Variants in UPRT observed in about 807,000 individuals in gnomAD.
The protein encoded by UPRT is RP11-311P8.3.
Under a neutral mutation model 22.6 loss-of-function variants are expected in UPRT, and 5 were observed. The observed-to-expected ratio is 0.22, with a 90% CI of 0.12 to 0.47. The LOEUF (loss-of-function observed/expected upper bound fraction) is 0.47, where lower values mean the gene tolerates loss of function less well. UPRT is among the 20% of genes least tolerant of loss of function. The pLI, the probability that UPRT is intolerant of heterozygous loss-of-function variation, is 0.99. For synonymous variants in UPRT, 77 were observed against 87.7 expected, an observed-to-expected ratio of 0.88 and a Z score of 0.68; for missense variants, 181 against 239.9, an observed-to-expected ratio of 0.75 and a Z score of 1.62.
intron 4 of UPRT, among the ~76,000 whole-genome samples, chrX:75,198,785 A>ACT (rs2082339752): frequency 9.0e-6 from 1 of 111,501 alleles, no homozygotes; most frequent in African/African-American, 3.3e-5. Flanking sequence ...AGTGTAGGAA[A>ACT]GACAGTCTGG....
At chrX:75,183,992 T>C (rs1232480225) in intron 4 of UPRT, among the ~76,000 whole-genome samples, 1 of 112,308 alleles carries the variant, frequency 8.9e-6, no homozygotes, top group Non-Finnish European at 1.9e-5. Flanking sequence ...ACTCTGATGG[T>C]AGTTTCTTTT....
intron 4 of UPRT, among the ~76,000 whole-genome samples, chrX:75,262,631 CAAAA>C (rs1164699847): frequency 9.0e-6 from 1 of 110,534 alleles, no homozygotes; most frequent in Non-Finnish European, 1.9e-5. Context: ...AACAAACAAA[CAAAA>C]AACTGCAGGG....
rs759464873 is a variant in UPRT, at chrX:75,268,066, T to TA, written c.-446-22955dup. On this transcript the variant is annotated intron_variant, in intron 4 of 13. Transcript: ENST00000652605. ...ATAAAATAGACACAATAAAAAATGA[T>TA]AAAGGGTATATCACAACTGGTCCCA... 1.1e-4 allele frequency among the ~76,000 whole-genome samples: 12 copies of TA among 111,261 alleles called. No individual in the cohort carries two copies. The East Asian group carries it at 3.4e-3, about 31-fold the overall frequency.
At chrX:75,169,189 T>A (rs1031208862) in intron 4 of UPRT, among the ~76,000 whole-genome samples, 1 of 112,276 alleles carries the variant, frequency 8.9e-6, no homozygotes, top group African/African-American at 3.2e-5. Flanking sequence ...TTGATGGCCA[T>A]CTGGGTGGGT....
intron 1 of UPRT, among the ~76,000 whole-genome samples, chrX:75,284,904 G>A (rs1228453916): frequency 9.0e-6 from 1 of 111,011 alleles, no homozygotes; most frequent in Non-Finnish European, 1.9e-5. Flanking sequence ...GGGTGAGTAG[G>A]GAAGGAACAT....
chrX:75,231,844 G>C (rs1327328590), intron 4 of UPRT, among the ~76,000 whole-genome samples: 2 of 112,203 alleles, frequency 1.8e-5, no homozygotes, highest in Non-Finnish European at 1.9e-5. Context: ...GTGAAATTAA[G>C]TTTCATAAAT....
chrX:75,205,383 CAAAAAAAAAAAA>C (rs55819232), intron 4 of UPRT, among the ~76,000 whole-genome samples: 5 of 38,168 alleles, frequency 1.3e-4, no homozygotes, highest in South Asian at 4.3e-3. Context: ...GACTCCGTCT[CAAAAAAAAAAAA>C]AAAAAAAAAA....
chrX:75,186,088 T>A (rs2082289628), intron 4 of UPRT, among the ~76,000 whole-genome samples: 1 of 111,359 alleles, frequency 9.0e-6, no homozygotes, highest in African/African-American at 3.3e-5. Flanking sequence ...TGCTCTTGCT[T>A]TTCTAGTTCT....
chrX:75,236,881 A>G (rs1489824811), intron 4 of UPRT, among the ~76,000 whole-genome samples: 4 of 112,465 alleles, frequency 3.6e-5, no homozygotes, highest in African/African-American at 1.3e-4. Flanking sequence ...TTCAGGACAT[A>G]GGCATGGCAA....
intron 4 of UPRT, among the ~76,000 whole-genome samples, chrX:75,173,957 C>A (rs2082238917): frequency 9.0e-6 from 1 of 111,058 alleles, no homozygotes; most frequent in South Asian, 3.8e-4. Context: ...CGCATGCAGC[C>A]CCGGTTCCCG....
chrX:75,192,341 G>GTT (rs35280541), intron 4 of UPRT, among the ~76,000 whole-genome samples: 150 of 105,468 alleles, frequency 1.4e-3, no homozygotes, highest in Non-Finnish European at 2.0e-3. Flanking sequence ...CATGATTTCA[G>GTT]TTTTTTTTTT....
Position 75,303,436 on chromosome X carries a change from G to T in UPRT, c.855G>T (p.Glu285Asp), listed in dbSNP as rs1228241369. 5 of 1,207,765 alleles carry T rather than the reference G, an allele frequency of 4.1e-6. No individual in the cohort carries two copies. In the South Asian group the frequency reaches 8.9e-5, roughly 21 times the overall value. The stretch of plus-strand genomic sequence containing the variant: ...AATCAATCATTCAGGAGTTTCCAGA[G>T]ATCACAATTTTAACTACTGAAGTTC... ...GAKSIIQEFP[E>D]ITILTTEVHP... The change falls in exon 7 of 7, where the codon GAG (glutamate) becomes GAT (aspartate). Residue 285 changes from glutamate (E) to aspartate (D), a missense_variant. This residue lies in a region of UPRT where 70 missense variants were observed against 137.0 expected (regional missense o/e 0.51). Coordinates refer to ENST00000373383, the MANE Select transcript of UPRT (RefSeq NM_145052.4).
rs762413746 is a variant in UPRT, at chrX:75,213,384, A to T, written c.-447+45505A>T. ...CTTGAGACTGGTCTATAACAGATTT[A>T]AAAAAATGATTACTTTTTCTCAGGC... is the stretch of plus-strand genomic sequence containing the variant. On this transcript the variant is annotated intron_variant, in intron 4 of 13. Transcript: ENST00000652605. Among the ~76,000 whole-genome samples, 18 of 112,225 alleles carry T rather than the reference A, an allele frequency of 1.6e-4. 1 individual carries two copies. In the South Asian group the frequency reaches 5.2e-3, roughly 32 times the overall value.
chrX:75,236,108 T>A (rs1314304642), intron 4 of UPRT, among the ~76,000 whole-genome samples: 2 of 111,344 alleles, frequency 1.8e-5, no homozygotes, highest in Non-Finnish European at 3.8e-5. Context: ...TGTCTCGGGA[T>A]ACAAAATCAA....
intron 4 of UPRT, among the ~76,000 whole-genome samples, chrX:75,220,201 AT>A (rs907387251): frequency 2.7e-5 from 3 of 109,788 alleles, no homozygotes; most frequent in African/African-American, 9.9e-5. Flanking sequence ...TTTGAAATCT[AT>A]TTTTTTTCTG....
At chrX:75,207,356 T>C (rs2082369957) in intron 4 of UPRT, among the ~76,000 whole-genome samples, 1 of 111,790 alleles carries the variant, frequency 8.9e-6, no homozygotes, top group Non-Finnish European at 1.9e-5. Context: ...CATTGGATTC[T>C]TGGAGTTTAT....
intron 4 of UPRT, among the ~76,000 whole-genome samples, chrX:75,206,816 C>G (rs1414689269): frequency 1.8e-5 from 2 of 111,208 alleles, no homozygotes. Context: ...AGGTGCCCAC[C>G]ACCATGCCTG....
At chrX:75,291,706 G>A (rs1470741242) in intron 1 of UPRT, 1 of 133,680 alleles carries the variant, frequency 7.5e-6, no homozygotes, top group African/African-American at 3.2e-5. Context: ...GATTTAAAAT[G>A]AATAGTATGG....
At chrX:75,218,518 C>T (rs1295825063) in intron 4 of UPRT, among the ~76,000 whole-genome samples, 8 of 96,533 alleles carry the variant, frequency 8.3e-5, no homozygotes, top group East Asian at 3.2e-4. Flanking sequence ...TACCATTTGA[C>T]CCAGCCATCC....
Sources: allele counts gnomAD v4.1 joint callset (sites outside exome capture counted in the v4.1 genomes callset), GRCh38; gene constraint gnomAD v4.1.1; regional missense constraint gnomAD v4.1.1; transcripts MANE v1.5; gene names NCBI Gene and HGNC (gene_info 2026-07-23, HGNC 2026-07-21).